Variants in ACTA2 observed in about 807,000 individuals in gnomAD.
The protein encoded by ACTA2 is actin alpha 2, smooth muscle.
A neutral mutation model predicts 39.5 loss-of-function variants in ACTA2; 12 were observed. The ratio of observed to expected loss-of-function variants is 0.30; its 90% CI spans 0.19 to 0.49. The LOEUF (loss-of-function observed/expected upper bound fraction) is 0.49, where lower values mean the gene tolerates loss of function less well. Among genes scored for constraint, ACTA2 ranks in the 20% least tolerant of loss-of-function variants. ACTA2 has a pLI of 0.99. For missense variants in ACTA2, 236 were observed against 498.8 expected (o/e 0.47, Z 5.02); for synonymous variants, 158 against 180.6 (o/e 0.88, Z 1.00).
intron 1 of ACTA2, among the ~76,000 whole-genome samples, chr10:88,975,418 T>C (rs1399596609): frequency 6.6e-6 from 1 of 152,138 alleles, no homozygotes; most frequent in African/African-American, 2.4e-5. Flanking sequence ...CCTGAAAGTG[T>C]TTGTTTTTTT....
rs1845708468 is a variant in ACTA2 at position 88,935,155 on chromosome 10, A to C, written c.*68T>G. ...TTGGCTAGGAATGATTTGGAAAAGA[A>C]CTGAAGGCATAATTCCACAGGACAT... On this transcript the variant is annotated 3_prime_UTR_variant, in exon 9 of 9. Transcript: ENST00000224784. 6.3e-7 allele frequency: 1 copy of C among 1,596,824 alleles called. No homozygotes were observed. Among genetic ancestry groups the C allele is most frequent in the Admixed American group, 1.7e-5 (1 of 59,858 alleles).
At chr10:88,983,841 G>A (rs993620569) in intron 1 of ACTA2, among the ~76,000 whole-genome samples, 1 of 152,174 alleles carries the variant, frequency 6.6e-6, no homozygotes, top group Admixed American at 6.6e-5. Context: ...GAAATTCCAA[G>A]GGGATTTCAA....
intron 1 of ACTA2, among the ~76,000 whole-genome samples, chr10:88,979,680 G>A (rs1846661437): frequency 1.3e-5 from 2 of 151,840 alleles, no homozygotes; most frequent in African/African-American, 4.8e-5. Context: ...CCATGGTTTT[G>A]ATCCTCCTAT....
chr10:88,987,897 G>T (rs1846951571), intron 1 of ACTA2, among the ~76,000 whole-genome samples: 1 of 151,988 alleles, frequency 6.6e-6, no homozygotes, highest in Non-Finnish European at 1.5e-5. Flanking sequence ...TAAAACATTT[G>T]CTTTCTATAA....
At chr10:88,989,233 C>T (rs1357393998) in intron 1 of ACTA2, among the ~76,000 whole-genome samples, 1 of 152,194 alleles carries the variant, frequency 6.6e-6, no homozygotes, top group African/African-American at 2.4e-5. Flanking sequence ...TCAAGAGATA[C>T]TGATTTTGTC....
At chr10:88,950,723 A>AAC (rs1846034061) in intron 1 of ACTA2, among the ~76,000 whole-genome samples, 2 of 152,230 alleles carry the variant, frequency 1.3e-5, no homozygotes, top group Admixed American at 1.3e-4. Context: ...TCCAGGCTCC[A>AAC]ACAGTTAAAA....
In ACTA2 at chr10:88,990,997, C is replaced by G. The variant is rs1589439985; in HGVS notation, c.-82G>C. The G allele has an allele frequency of 3.8e-6, 6 of 1,561,816 alleles. No individual in the cohort carries two copies. The East Asian group carries it at 1.1e-4, about 30-fold the overall frequency. Reference sequence around the variant, plus strand: ...CGGGCGCGGGACGCGTGCGGGATTGCGGCGGCAGCGGCGCACGCGGGCACC... The same window carrying G: ...CGGGCGCGGGACGCGTGCGGGATTGGGGCGGCAGCGGCGCACGCGGGCACC... On this transcript the variant is annotated 5_prime_UTR_variant, in exon 1 of 5. Transcript: ENST00000415557. This position sits in a 1 kb window ranked among gnomAD's most constrained non-coding sequence, Gnocchi z 4.9.
intron 1 of ACTA2, among the ~76,000 whole-genome samples, chr10:88,949,858 G>A (rs900622667): frequency 1.7e-4 from 26 of 151,738 alleles, no homozygotes; most frequent in African/African-American, 6.3e-4. Flanking sequence ...GGTTTTATAG[G>A]TGTTTTTAAT....
At chr10:88,952,418 T>C (rs1013723654) in intron 1 of ACTA2, among the ~76,000 whole-genome samples, 1 of 152,222 alleles carries the variant, frequency 6.6e-6, no homozygotes, top group Non-Finnish European at 1.5e-5. Flanking sequence ...TGCACACAGC[T>C]AACCTGCATA....
intron 1 of ACTA2, among the ~76,000 whole-genome samples, chr10:88,963,092 C>A (rs1846263548): frequency 6.6e-6 from 1 of 151,032 alleles, no homozygotes; most frequent in Admixed American, 6.7e-5. Context: ...AAAGACCCAC[C>A]CCCATGATTC....
chr10:88,975,023 T>C (rs1846531009), intron 1 of ACTA2: 1 of 152,250 alleles, frequency 6.6e-6, no homozygotes. Flanking sequence ...AGTTAGATGA[T>C]GCAAATTGTT....
Position 88,990,637 on chromosome 10 carries a change from G to T in ACTA2, c.-24+302C>A, listed in dbSNP as rs1847110407. 2 of 693,872 alleles carry T rather than the reference G, an allele frequency of 2.9e-6. No individual in the cohort carries two copies. The highest frequency in any genetic ancestry group is 1.8e-5 in the African/African-American group (1 of 57,042). The allele number at this position is 693,872 out of a possible 1,614,324, so 43.0% of individuals were successfully genotyped here. A position where few individuals can be genotyped will look rare whatever the true frequency, so the allele number is the denominator to read the frequency against. ...CCTCCTGACCACCGGGGCTTTTCGT[G>T]AGCTCGTCTCTGATCTCGCGCAAGA... On this transcript the variant is annotated intron_variant, in intron 1 of 4. Transcript: ENST00000415557. The surrounding 1 kb of genome is among the most constrained non-coding windows in gnomAD (Gnocchi z 4.9).
chr10:88,969,186 G>A (rs1441204327), intron 1 of ACTA2, among the ~76,000 whole-genome samples: 1 of 152,106 alleles, frequency 6.6e-6, no homozygotes, highest in Non-Finnish European at 1.5e-5. Flanking sequence ...GTGAGAATGG[G>A]GGAAATTGGA....
chr10:88,985,265 C>G (rs571344954), intron 1 of ACTA2, among the ~76,000 whole-genome samples: 1 of 152,264 alleles, frequency 6.6e-6, no homozygotes, highest in East Asian at 1.9e-4. Context: ...GGATTTATAT[C>G]TAGGGACTCT....
upstream of ACTA2, among the ~76,000 whole-genome samples, chr10:88,957,619 C>T (rs149953006): frequency 6.6e-6 from 1 of 152,282 alleles, no homozygotes; most frequent in African/African-American, 2.4e-5. Flanking sequence ...TAACTGAGGA[C>T]CTTTGCTCAT....
chr10:88,936,308 A>T (rs1335873970), intron 8 of ACTA2, among the ~76,000 whole-genome samples: 2 of 152,172 alleles, frequency 1.3e-5, no homozygotes, highest in Non-Finnish European at 2.9e-5. Flanking sequence ...GTTTGGTTTT[A>T]AAAATAACCT....
chr10:88,981,283 G>T (rs775300223), intron 1 of ACTA2, among the ~76,000 whole-genome samples: 1 of 152,116 alleles, frequency 6.6e-6, no homozygotes, highest in African/African-American at 2.4e-5. Flanking sequence ...ATTAGGTGAG[G>T]ATCAAATGAG....
At chr10:88,944,706 G>A (rs1005994085) in intron 3 of ACTA2, among the ~76,000 whole-genome samples, 9 of 152,178 alleles carry the variant, frequency 5.9e-5, no homozygotes, top group Non-Finnish European at 1.3e-4. Context: ...AAAGGCCCAC[G>A]CCTGTGTATA....
chr10:88,955,016 CAAAA>C (rs768193000), upstream of ACTA2, among the ~76,000 whole-genome samples: 5 of 73,220 alleles, frequency 6.8e-5, no homozygotes, highest in Admixed American at 1.5e-4. Flanking sequence ...TAGTGTCACA[CAAAA>C]AAAAAAAAAA....
Sources: gnomAD v4.1 joint callset for allele counts (sites outside exome capture counted in the v4.1 genomes callset) on GRCh38, gnomAD v4.1.1 for gene constraint, Gnocchi (gnomAD v3.1) non-coding constraint, MANE v1.5 for transcripts, NCBI Gene and HGNC (gene_info 2026-07-23, HGNC 2026-07-21) for gene names.